The following FCSK variants were observed in gnomAD, a reference collection of about 807,000 sequenced individuals.
FCSK encodes fucose kinase.
Under a neutral mutation model 122.5 loss-of-function variants are expected in FCSK, and 123 were observed. The observed-to-expected ratio is 1.00, with a 90% CI of 0.87 to 1.17. The LOEUF is 1.17. Among genes scored for constraint, FCSK ranks in the 50% most tolerant of loss-of-function variants. FCSK has a pLI of 0.00. For synonymous variants in FCSK, 620 were observed against 625.5 expected, an observed-to-expected ratio of 0.99 and a Z score of 0.13; for missense variants, 1,366 against 1,450.4, an observed-to-expected ratio of 0.94 and a Z score of 0.95.
rs753291011 is a variant in FCSK at position 70,473,191 on chromosome 16, C to T, written c.1615C>T (p.Arg539Trp). 29 of 1,538,796 alleles carry T rather than the reference C, an allele frequency of 1.9e-5. No homozygotes were observed. In the African/African-American group the frequency reaches 1.9e-4, roughly 10 times the overall value. ...GGAGCAGCTGCAGCCGTGCCTGGAT[C>T]GGGCTGCCACGCTGGCCTCTCGCCG... ...SWEQLQPCLD[R>W]AATLASRRDL... The change falls in exon 15 of 24, where the codon CGG becomes TGG. Residue 539 changes from arginine (R) to tryptophan (W), a missense_variant. By Grantham distance (101) the Arg-to-Trp change is moderately radical (BLOSUM62 -3). Transcript: ENST00000288078. This position sits in a 1 kb window ranked among gnomAD's most constrained non-coding sequence, Gnocchi z 4.9.
Position 70,469,291 on chromosome 16 carries a change from G to A in FCSK, c.923G>A (p.Trp308Ter). The A allele has an allele frequency of 6.2e-7, 1 of 1,610,336 alleles. No individual in the cohort carries two copies. The highest frequency in any genetic ancestry group is 8.5e-7 in the Non-Finnish European group (1 of 1,179,034). ...GYLQSARAQL[W>*]RELRDQPLTM... ...CTGCAGAGCGCCCGGGCCCAGCTGT[G>A]GAGGGAGCTTCGCGATCAGCCCCTT... is the stretch of plus-strand genomic sequence containing the variant. The change falls in exon 10 of 24, where the codon TGG becomes TAG. Residue 308 changes from tryptophan (W) to a stop codon, truncating the protein, a stop_gained. Coordinates refer to ENST00000288078, the MANE Select transcript of FCSK (RefSeq NM_145059.3). LOFTEE classifies it high-confidence loss of function.
At position 70,473,667 on chromosome 16, in the gene FCSK, G is replaced by A. The variant is rs2048705035; in HGVS notation, c.1777+314G>A. ...GTGCCAGGATGTGGGTGCAGAGCGT[G>A]GCGAGGGGACAGAGCCCCCAGGGGA... On this transcript the variant is annotated intron_variant, in intron 15 of 23. Coordinates refer to ENST00000288078, the MANE Select transcript of FCSK (RefSeq NM_145059.3). This position sits in a 1 kb window ranked among gnomAD's most constrained non-coding sequence, Gnocchi z 4.9. 6.6e-6 allele frequency among the ~76,000 whole-genome samples: 1 copy of A among 152,152 alleles called. No homozygotes were observed. Among genetic ancestry groups the A allele is most frequent in the South Asian group, 2.1e-4 (1 of 4,836 alleles).
At position 70,463,211 on chromosome 16, in the gene FCSK, T is replaced by C; in HGVS notation, c.21T>C (p.Val7=). The change falls in exon 2 of 24, where the codon GTT becomes GTC. Residue 7 remains valine, a synonymous_variant. Coordinates refer to ENST00000288078, the MANE Select transcript of FCSK (RefSeq NM_145059.3). ...CCAGAATGGAGCAGCCGAAGGGAGT[T>C]GATTGGACAGTCATCATCCTGACCT... is the stretch of plus-strand genomic sequence containing the variant. The part of the protein sequence containing the change: MEQPKG[V]DWTVIILTCQ... 1 of 1,614,040 alleles carries C rather than the reference T, an allele frequency of 6.2e-7. No homozygotes were observed. The highest frequency in any genetic ancestry group is 8.5e-7 in the Non-Finnish European group (1 of 1,179,980).
In FCSK at chr16:70,473,080, C is replaced by T; in HGVS notation, c.1504C>T (p.Pro502Ser). 4 of 1,590,678 alleles carry T rather than the reference C, an allele frequency of 2.5e-6. No homozygotes were observed. Among genetic ancestry groups the T allele is most frequent in the Non-Finnish European group, 3.4e-6 (4 of 1,169,484 alleles). The change falls in exon 15 of 24, where the codon CCC becomes TCC. Residue 502 changes from proline to serine, a missense_variant. Transcript: ENST00000288078. This position sits in a 1 kb window ranked among gnomAD's most constrained non-coding sequence, Gnocchi z 4.9. ...GCTCCACCCCTCGAGGGAGCTGGGA[C>T]CCCAGGACCTGCTGTGGATGCTGGA... ...PVLHPSRELG[P>S]QDLLWMLDHQ...
Position 70,470,597 on chromosome 16 carries a change from G to C in FCSK, c.1068+171G>C, listed in dbSNP as rs17878921. ...AGAGAGGCTAAGTAACTTGCCTAAG[G>C]CCACAGAGCCAGTAAGTGGCCAACT... On this transcript the variant is annotated intron_variant, in intron 11 of 23. Coordinates refer to ENST00000288078, the MANE Select transcript of FCSK (RefSeq NM_145059.3). Among the ~76,000 whole-genome samples, 1,041 of 152,336 alleles carry C rather than the reference G, an allele frequency of 6.8e-3. 18 individuals carry two copies. Among genetic ancestry groups the C allele is most frequent in the African/African-American group, 0.024 (980 of 41,574 alleles).
At chr16:70,467,017 G>C in intron 6 of FCSK, 63 bp downstream of exon 6, 1 of 1,459,688 alleles carries the variant, frequency 6.9e-7, no homozygotes, top group Non-Finnish European at 9.6e-7. Flanking sequence ...AGCCAGCTCT[G>C]CCCTTCTTGC....
Position 70,467,603 on chromosome 16 carries a change from C to G in FCSK, c.582+132C>G. ...GTTCCTGAATCCAAGGAGTTTCCTCCGTGGCAGTGGCACCAGTGCTCCCTT... is the reference window on the plus strand; with the variant it reads ...GTTCCTGAATCCAAGGAGTTTCCTCGGTGGCAGTGGCACCAGTGCTCCCTT... On this transcript the variant is annotated intron_variant, in intron 7 of 23. Coordinates refer to ENST00000288078, the MANE Select transcript of FCSK (RefSeq NM_145059.3). 11 of 737,244 alleles carry G rather than the reference C, an allele frequency of 1.5e-5. No homozygotes were observed. The South Asian group carries it at 2.0e-4, about 13-fold the overall frequency. 45.7% of individuals were successfully genotyped at this position (737,244 alleles called of 1,614,324 possible). A position where few individuals can be genotyped will look rare whatever the true frequency, so the allele number is the denominator to read the frequency against.
rs769241286 is a variant in FCSK, at chr16:70,475,784, G to GT, written c.2641+17_2641+18insT. 346 of 1,544,044 alleles carry GT rather than the reference G, an allele frequency of 2.2e-4. No individual in the cohort carries two copies. Among genetic ancestry groups the GT allele is most frequent in the Non-Finnish European group, 2.0e-4 (230 of 1,144,930 alleles). On this transcript the variant is annotated intron_variant, in intron 20 of 23. Coordinates refer to ENST00000288078, the MANE Select transcript of FCSK (RefSeq NM_145059.3). Reference sequence around the variant, plus strand: ...TCACCACTGGTATGTGACTGCCCTGGAGTTGGAGGAGGTCACTGACACTTT... The same window carrying GT: ...TCACCACTGGTATGTGACTGCCCTGGTAGTTGGAGGAGGTCACTGACACTTT...
intron 1 of FCSK, chr16:70,457,987 C>A (rs558618977): frequency 4.4e-4 from 66 of 151,718 alleles, no homozygotes; most frequent in African/African-American, 1.6e-3. Context: ...TGTGTTGCAA[C>A]TTTGACTATA....
rs371119710 is a variant in FCSK, at chr16:70,475,715, C to A, written c.2589C>A (p.Gly863=). 5 of 1,602,660 alleles carry A rather than the reference C, an allele frequency of 3.1e-6. No individual in the cohort carries two copies. Among genetic ancestry groups the A allele is most frequent in the Non-Finnish European group, 4.3e-6 (5 of 1,175,242 alleles). ...ALQRAAGRVV[G]TEALIHAVLH... ...AGCGAGCCGCAGGCCGGGTGGTGGG[C>A]ACGGAAGCCCTGATCCACGCAGTGC... Residue 863 remains glycine, a synonymous_variant, in exon 20 of 24, where the codon GGC becomes GGA. Transcript: ENST00000288078.
intron 10 of FCSK, 65 bp from the exon 11 acceptor site, chr16:70,470,249 G>T: frequency 9.0e-7 from 1 of 1,110,088 alleles, no homozygotes. Flanking sequence ...TCTGCTGCTG[G>T]GAGGCAGCCT....
chr16:70,476,560 G>A (rs1483906886), intron 20 of FCSK, among the ~76,000 whole-genome samples: 2 of 150,908 alleles, frequency 1.3e-5, no homozygotes, highest in South Asian at 2.1e-4. Flanking sequence ...CCTGGCCACC[G>A]AGCCCCCTGG....
chr16:70,469,776 G>A (rs1023496930), intron 10 of FCSK, among the ~76,000 whole-genome samples: 3 of 151,472 alleles, frequency 2.0e-5, no homozygotes, highest in African/African-American at 7.3e-5. Context: ...CAGGTGACCC[G>A]CCTGCCTTGG....
At position 70,464,481 on chromosome 16, in the gene FCSK, G is replaced by A. The variant is rs550385937; in HGVS notation, c.235-645G>A. Among the ~76,000 whole-genome samples the A allele has an allele frequency of 3.3e-4, 50 of 152,122 alleles. No individual in the cohort carries two copies. The South Asian group carries it at 4.4e-3, about 13-fold the overall frequency. On this transcript the variant is annotated intron_variant, in intron 3 of 23. Transcript: ENST00000288078. ...AGCCTGACCAACGTGATGAAACCCCGTCTCTACTAAAAATACAAAAATTAG... is the reference window on the plus strand; with the variant it reads ...AGCCTGACCAACGTGATGAAACCCCATCTCTACTAAAAATACAAAAATTAG...
chr16:70,455,616 G>T (rs959263298), intron 1 of FCSK, among the ~76,000 whole-genome samples: 1 of 151,934 alleles, frequency 6.6e-6, no homozygotes, highest in Non-Finnish European at 1.5e-5. Context: ...AAAAGGCCGG[G>T]CGAGGTGGCT....
intron 1 of FCSK, chr16:70,455,090 C>T (rs1017310236): frequency 6.6e-6 from 1 of 152,262 alleles, no homozygotes; most frequent in Admixed American, 6.5e-5. Context: ...CAAGTAACTT[C>T]TTTCGGTCTG....
intron 1 of FCSK, among the ~76,000 whole-genome samples, chr16:70,460,594 G>T: frequency 6.6e-6 from 1 of 151,914 alleles, no homozygotes; most frequent in Middle Eastern, 3.4e-3. Context: ...TATTAGAGAC[G>T]GGGTTTCACC....
chr16:70,478,506 G>A lies in FCSK; in HGVS notation c.2830-45G>A, dbSNP rs369121248. The A allele has an allele frequency of 1.9e-6, 3 of 1,613,080 alleles. No individual in the cohort carries two copies. In the East Asian group the frequency reaches 6.7e-5, roughly 36 times the overall value. ...AGGGAGGCAGGCAGGGGGCCTGCCA[G>A]CTGGGCCTGGGTCCTCACCACCCCT... On this transcript the variant is annotated intron_variant, in intron 21 of 23. Coordinates refer to ENST00000288078, the MANE Select transcript of FCSK (RefSeq NM_145059.3).
rs900208616 is a variant in FCSK, at chr16:70,474,895, G to A, written c.2261G>A (p.Arg754His). ...GRRPIGARAR[R>H]IPEPELWLAV... ...CGGCCCATCGGAGCCAGGGCACGCC[G>A]CATCCCGGAGCCTGAGCTGTGGCTG... Residue 754 changes from arginine to histidine, a missense_variant, in exon 18 of 24, where the codon CGC becomes CAC. Transcript: ENST00000288078. 9 of 1,607,366 alleles carry A rather than the reference G, an allele frequency of 5.6e-6. No individual in the cohort carries two copies. Among genetic ancestry groups the A allele is most frequent in the African/African-American group, 4.0e-5 (3 of 74,960 alleles).
Sources: allele counts gnomAD v4.1 joint callset (sites outside exome capture counted in the v4.1 genomes callset), GRCh38; gene constraint gnomAD v4.1.1; non-coding constraint Gnocchi (gnomAD v3.1); transcripts MANE v1.5; gene names NCBI Gene and HGNC (gene_info 2026-07-23, HGNC 2026-07-21).